ATP6V0A2: variants seen among roughly 807,000 people sequenced by gnomAD.
ATP6V0A2 encodes the protein ATPase H+ transporting V0 subunit a2.
Under a neutral mutation model 104.4 loss-of-function variants are expected in ATP6V0A2, and 58 were observed. The ratio of observed to expected loss-of-function variants is 0.56; its 90% CI spans 0.45 to 0.69. The LOEUF is 0.69. ATP6V0A2 is among the 30% of genes least tolerant of loss of function. The pLI is 0.00. For missense variants in ATP6V0A2, 938 were observed against 1,062.9 expected (o/e 0.88, Z 1.63); for synonymous variants, 376 against 397.9 (o/e 0.95, Z 0.65).
chr12:123,756,102 G>A (rs1431341512), intron 18 of ATP6V0A2, among the ~76,000 whole-genome samples: 12 of 145,544 alleles, frequency 8.2e-5, no homozygotes, highest in African/African-American at 1.5e-4. Context: ...AAAAAAAACC[G>A]AAAAACAACT....
At chr12:123,752,711 G>A (rs1218950352) in intron 17 of ATP6V0A2, among the ~76,000 whole-genome samples, 7 of 152,192 alleles carry the variant, frequency 4.6e-5, no homozygotes, top group Non-Finnish European at 1.0e-4. Context: ...GGGTCAGTCA[G>A]AACTTTTCCA....
rs1488046163 is a variant in ATP6V0A2, at chr12:123,756,872, C to G, written c.2351C>G (p.Thr784Ser). Residue 784 changes from threonine (T) to serine (S), a missense_variant, in exon 19 of 20, where the codon ACC becomes AGC. By Grantham distance (58) the Thr-to-Ser change is moderately conservative. Transcript: ENST00000330342. ...CGCGTGGGCCTCCGCGTTGACACCA[C>G]CTATGGCGTCTTGCTACTGCTCCCG... is the stretch of plus-strand genomic sequence containing the variant. ...LMRVGLRVDTTYGVLLLLPVI... is the reference protein window; with the variant it reads ...LMRVGLRVDTSYGVLLLLPVI... 6.2e-7 allele frequency: 1 copy of G among 1,614,208 alleles called. No homozygotes were observed. The highest frequency in any genetic ancestry group is 1.7e-5 in the Admixed American group (1 of 60,022).
chr12:123,756,973 A>G lies in ATP6V0A2; in HGVS notation c.2452A>G (p.Ile818Val). The G allele has an allele frequency of 6.2e-7, 1 of 1,614,192 alleles. No homozygotes were observed. The highest frequency in any genetic ancestry group is 8.5e-7 in the Non-Finnish European group (1 of 1,180,038). Residue 818 changes from isoleucine (I) to valine (V), a missense_variant, in exon 19 of 20, where the codon ATA becomes GTA. Coordinates refer to ENST00000330342, the MANE Select transcript of ATP6V0A2 (RefSeq NM_012463.4). ...AGGGCTTTCTGCGTTTCTTCACGCC[A>G]TACGCCTCCACTGGTGAGTTTGAAA... ...MEGLSAFLHA[I>V]RLHWVEFQNK...
intron 18 of ATP6V0A2, chr12:123,756,527 C>G (rs893502806): frequency 2.4e-6 from 1 of 409,160 alleles, no homozygotes; most frequent in Non-Finnish European, 4.5e-6. Context: ...GCTGCCTGGT[C>G]CAGTGCGCTT....
At position 123,759,151 on chromosome 12, in the gene ATP6V0A2, G is replaced by C. The variant is rs947312101; in HGVS notation, c.*1119G>C. 1.3e-5 allele frequency: 2 copies of C among 152,368 alleles called. No homozygotes were observed. Among genetic ancestry groups the C allele is most frequent in the African/African-American group, 4.8e-5 (2 of 41,356 alleles). 9.4% of individuals were successfully genotyped at this position (152,368 alleles called of 1,614,324 possible). A position where few individuals can be genotyped will look rare whatever the true frequency, so the allele number is the denominator to read the frequency against. On this transcript the variant is annotated 3_prime_UTR_variant, in exon 20 of 20. Coordinates refer to ENST00000330342, the MANE Select transcript of ATP6V0A2 (RefSeq NM_012463.4). ...AAGGGTTTATACTGAGTGAAGGAAA[G>C]GTAAAAAGTAGTATTTTGTATATTT...
At chr12:123,718,738 A>G in intron 2 of ATP6V0A2, 37 bp downstream of exon 2, 2 of 1,440,370 alleles carry the variant, frequency 1.4e-6, no homozygotes, top group Non-Finnish European at 1.9e-6. Context: ...TTAAATAATT[A>G]CCTTTATATA....
At chr12:123,726,321 T>A (rs778178241) in intron 5 of ATP6V0A2, 36 bp downstream of exon 5, 221 of 1,472,568 alleles carry the variant, frequency 1.5e-4, no homozygotes, top group Non-Finnish European at 2.0e-4. Context: ...GGCTTCATAC[T>A]GCCCTTCTTG....
Position 123,745,623 on chromosome 12 carries a change from G to A in ATP6V0A2, c.1605+651G>A, listed in dbSNP as rs146102886. 9.9e-3 allele frequency among the ~76,000 whole-genome samples: 1,502 copies of A among 151,886 alleles called. 18 individuals carry two copies. Among genetic ancestry groups the A allele is most frequent in the African/African-American group, 0.034 (1,396 of 41,406 alleles). Reference sequence around the variant, plus strand: ...CAGGAGGCTGAGGCAGGAGAATGGCGTGAACCCAGGAGGCGAAGCTTGCAG... The same window carrying A: ...CAGGAGGCTGAGGCAGGAGAATGGCATGAACCCAGGAGGCGAAGCTTGCAG... On this transcript the variant is annotated intron_variant, in intron 13 of 19. Transcript: ENST00000330342.
In ATP6V0A2 at chr12:123,758,028, C is replaced by A. The variant is rs752164656; in HGVS notation, c.2567C>A (p.Ala856Glu). Residue 856 changes from alanine to glutamate, a missense_variant, in exon 20 of 20, where the codon GCA (alanine) becomes GAA (glutamate). Coordinates refer to ENST00000330342, the MANE Select transcript of ATP6V0A2 (RefSeq NM_012463.4). ...SSKFNNDDSV[A>E] ...AAGTTCAATAACGACGACAGTGTGGCATGATCATATTGCTGTAACCAACAA... is the reference window on the plus strand; with the variant it reads ...AAGTTCAATAACGACGACAGTGTGGAATGATCATATTGCTGTAACCAACAA... The A allele has an allele frequency of 6.2e-7, 1 of 1,603,506 alleles. No homozygotes were observed. Among genetic ancestry groups the A allele is most frequent in the Admixed American group, 1.7e-5 (1 of 59,968 alleles).
chr12:123,720,542 A>T (rs1263049096), intron 2 of ATP6V0A2, among the ~76,000 whole-genome samples: 1 of 152,150 alleles, frequency 6.6e-6, no homozygotes, highest in Non-Finnish European at 1.5e-5. Context: ...ACAAAAAATA[A>T]AATTAGCCAG....
In ATP6V0A2 at chr12:123,712,545, C is replaced by G; in HGVS notation, c.-21C>G. ...AGCCGCCGCCGCCCATCGAGCCCCT[C>G]CGGGCGCGGGTCGGCCCGCCATGGG... On this transcript the variant is annotated 5_prime_UTR_variant, in exon 1 of 20. Coordinates refer to ENST00000330342, the MANE Select transcript of ATP6V0A2 (RefSeq NM_012463.4). 2 of 1,553,412 alleles carry G rather than the reference C, an allele frequency of 1.3e-6. No individual in the cohort carries two copies. Among genetic ancestry groups the G allele is most frequent in the South Asian group, 1.2e-5 (1 of 85,772 alleles).
At chr12:123,723,620 C>T (rs1956421116) in intron 3 of ATP6V0A2, 1 of 152,070 alleles carries the variant, frequency 6.6e-6, no homozygotes, top group African/African-American at 2.4e-5. Flanking sequence ...GCCACCATGC[C>T]TGGCTAATTT....
rs777130500 is a variant in ATP6V0A2, at chr12:123,752,343, G to A, written c.2116G>A (p.Asp706Asn). 1.5e-5 allele frequency: 25 copies of A among 1,614,080 alleles called. No individual in the cohort carries two copies. The highest frequency in any genetic ancestry group is 2.0e-5 in the Non-Finnish European group (24 of 1,180,024). Residue 706 changes from aspartate (D) to asparagine (N), a missense_variant, in exon 17 of 20, where the codon GAT becomes AAT. Asp to Asn is a conservative substitution (Grantham distance 23, BLOSUM62 1). Coordinates refer to ENST00000330342, the MANE Select transcript of ATP6V0A2 (RefSeq NM_012463.4). Reference protein sequence around the residue: ...EEEVSLLGSQDIEEGNHQVED... With the variant: ...EEEVSLLGSQNIEEGNHQVED... Reference sequence around the variant, plus strand: ...AGAAGTTTCATTGCTGGGAAGCCAAGATATAGAAGAGGGAAATCACCAGGT... The same window carrying A: ...AGAAGTTTCATTGCTGGGAAGCCAAAATATAGAAGAGGGAAATCACCAGGT...
rs542934525 is a variant in ATP6V0A2 at position 123,728,475 on chromosome 12, A to G, written c.648+566A>G. Among the ~76,000 whole-genome samples, 5 of 148,788 alleles carry G rather than the reference A, an allele frequency of 3.4e-5. No homozygotes were observed. In the East Asian group the frequency reaches 6.1e-4, roughly 18 times the overall value. On this transcript the variant is annotated intron_variant, in intron 6 of 19. Coordinates refer to ENST00000330342, the MANE Select transcript of ATP6V0A2 (RefSeq NM_012463.4). ...ATGCTGCCCAGACTGGTCTTGAGCC[A>G]TCCTCCTGCCTTGGCCTCCCAAAGT...
chr12:123,756,727 G>A (rs549053013), intron 18 of ATP6V0A2, 88 bp from the exon 19 acceptor site: 596 of 1,424,600 alleles, frequency 4.2e-4, no homozygotes, highest in Non-Finnish European at 5.5e-4. Flanking sequence ...GTTCAGGGCC[G>A]TCAGGGGGAA....
At chr12:123,747,346 C>G (rs1250254456) in intron 13 of ATP6V0A2, among the ~76,000 whole-genome samples, 1 of 152,206 alleles carries the variant, frequency 6.6e-6, no homozygotes, top group African/African-American at 2.4e-5. Flanking sequence ...TCAAGACTTC[C>G]TAGGCACATC....
At chr12:123,750,693 T>C in intron 15 of ATP6V0A2, 1 of 213,560 alleles carries the variant, frequency 4.7e-6, no homozygotes, top group Non-Finnish European at 9.6e-6. Flanking sequence ...TGGAGGTAAA[T>C]CCACTTGCTG....
chr12:123,746,675 G>A (rs965638713), intron 13 of ATP6V0A2, among the ~76,000 whole-genome samples: 10 of 150,504 alleles, frequency 6.6e-5, no homozygotes, highest in East Asian at 3.9e-4. Context: ...GGTTGGGCGC[G>A]GTGGCTCACA....
At chr12:123,736,204 T>C (rs1956551900) in intron 8 of ATP6V0A2, among the ~76,000 whole-genome samples, 1 of 147,716 alleles carries the variant, frequency 6.8e-6, no homozygotes, top group Non-Finnish European at 1.5e-5. Context: ...TTTTTTTTTT[T>C]TTTGAGGTGG....
Sources: gnomAD v4.1 joint callset for allele counts (sites outside exome capture counted in the v4.1 genomes callset) on GRCh38, gnomAD v4.1.1 for gene constraint, MANE v1.5 for transcripts, NCBI Gene and HGNC (gene_info 2026-07-23, HGNC 2026-07-21) for gene names.